Variants in AGAP1 observed in about 807,000 individuals in gnomAD.
The protein encoded by AGAP1 is ArfGAP with GTPase domain, ankyrin repeat and PH domain 1.
In AGAP1, 29 loss-of-function variants were observed where a neutral mutation model predicts 105.3. The ratio of observed to expected loss-of-function variants is 0.28; its 90% CI spans 0.21 to 0.38. The LOEUF (loss-of-function observed/expected upper bound fraction) is 0.38, where lower values mean the gene tolerates loss of function less well. Ranked by LOEUF, AGAP1 falls within the 10% of genes least tolerant of loss-of-function variation. The pLI, the probability that AGAP1 is intolerant of heterozygous loss-of-function variation, is 1.00. For synonymous variants in AGAP1, 509 were observed against 485.9 expected, an observed-to-expected ratio of 1.05 and a Z score of -0.63; for missense variants, 998 against 1,165.1, an observed-to-expected ratio of 0.86 and a Z score of 2.09.
chr2:235,670,524 AG>A (rs930472376), intron 1 of AGAP1: 4 of 489,100 alleles, frequency 8.2e-6, no homozygotes, highest in Non-Finnish European at 7.1e-6. Flanking sequence ...CCCGACGTGG[AG>A]GGGGCCCGGG....
At position 235,953,087 on chromosome 2, in the gene AGAP1, C is replaced by T. The variant is rs563085554; in HGVS notation, c.1484-15375C>T. On this transcript the variant is annotated intron_variant, in intron 12 of 17. Coordinates refer to ENST00000304032, the MANE Select transcript of AGAP1 (RefSeq NM_001037131.3). This position sits in a 1 kb window ranked among gnomAD's most constrained non-coding sequence, Gnocchi z 5.2. ...TCCTCGCTGACTGGGACATGCCACCCACCTCCAATAAAGGCTTGGGAGTCG... is the reference window on the plus strand; with the variant it reads ...TCCTCGCTGACTGGGACATGCCACCTACCTCCAATAAAGGCTTGGGAGTCG... Among the ~76,000 whole-genome samples, 2 of 152,200 alleles carry T rather than the reference C, an allele frequency of 1.3e-5. No individual in the cohort carries two copies. Among genetic ancestry groups the T allele is most frequent in the Non-Finnish European group, 2.9e-5 (2 of 68,040 alleles).
At chr2:235,534,173 C>T (rs1943134294) in intron 1 of AGAP1, among the ~76,000 whole-genome samples, 1 of 152,162 alleles carries the variant, frequency 6.6e-6, no homozygotes, top group Non-Finnish European at 1.5e-5. Flanking sequence ...GCCCTCCTGC[C>T]GACCCCGGTG....
intron 1 of AGAP1, among the ~76,000 whole-genome samples, chr2:235,568,704 G>C (rs1309940665): frequency 2.6e-5 from 4 of 152,226 alleles, no homozygotes; most frequent in Admixed American, 2.0e-4. Flanking sequence ...CATTCTCTTT[G>C]AGGTCAGAAG....
chr2:235,814,157 A>G (rs1958318458), intron 9 of AGAP1, among the ~76,000 whole-genome samples: 1 of 152,172 alleles, frequency 6.6e-6, no homozygotes, highest in Non-Finnish European at 1.5e-5. Context: ...GTTTGGGCGC[A>G]AGAACTGGAA....
At position 235,908,462 on chromosome 2, in the gene AGAP1, CTTCCTAATGACCCTTGA is replaced by C. The variant is rs1305757801; in HGVS notation, c.1156-275_1156-259del. Among the ~76,000 whole-genome samples, 2 of 152,158 alleles carry C rather than the reference CTTCCTAATGACCCTTGA, an allele frequency of 1.3e-5. No homozygotes were observed. The highest frequency in any genetic ancestry group is 1.3e-4 in the Admixed American group (2 of 15,274). ...AAATCAGATTTTGTGTGTAGACTTA[CTTCCTAATGACCCTTGA>C]AGGAGGCACCTGCTGTGTCTCTCCT... On this transcript the variant is annotated intron_variant, in intron 10 of 17. Coordinates refer to ENST00000304032, the MANE Select transcript of AGAP1 (RefSeq NM_001037131.3). The surrounding 1 kb of genome is among the most constrained non-coding windows in gnomAD (Gnocchi z 4.4).
chr2:235,917,026 T>C (rs2051918028), intron 11 of AGAP1, among the ~76,000 whole-genome samples: 1 of 152,204 alleles, frequency 6.6e-6, no homozygotes, highest in African/African-American at 2.4e-5. Flanking sequence ...TTGTGACATT[T>C]TTGTTCTAGG....
chr2:235,496,542 C>T (rs1481838590), intron 1 of AGAP1, among the ~76,000 whole-genome samples: 2 of 152,176 alleles, frequency 1.3e-5, no homozygotes, highest in Non-Finnish European at 2.9e-5. Flanking sequence ...GCTGCATCCA[C>T]AGAAGTCTGA....
At position 236,087,389 on chromosome 2, in the gene AGAP1, GACA is replaced by G. The variant is rs1186992171; in HGVS notation, c.2115-32800_2115-32798del. 6.6e-6 allele frequency among the ~76,000 whole-genome samples: 1 copy of G among 152,204 alleles called. No homozygotes were observed. Among genetic ancestry groups the G allele is most frequent in the African/African-American group, 2.4e-5 (1 of 41,458 alleles). Reference sequence around the variant, plus strand: ...CCCCGACAGCCCTGCTCCAAGGACAGACAACCTCGTCTTGCAGGATCATTTACC... The same window carrying G: ...CCCCGACAGCCCTGCTCCAAGGACAGACCTCGTCTTGCAGGATCATTTACC... On this transcript the variant is annotated intron_variant, in intron 16 of 17. Coordinates refer to ENST00000304032, the MANE Select transcript of AGAP1 (RefSeq NM_001037131.3). This position sits in a 1 kb window ranked among gnomAD's most constrained non-coding sequence, Gnocchi z 5.7.
chr2:235,918,171 A>T (rs1575776397), intron 11 of AGAP1, among the ~76,000 whole-genome samples: 1 of 152,328 alleles, frequency 6.6e-6, no homozygotes, highest in East Asian at 1.9e-4. Context: ...GTCACTCGGG[A>T]GTTTTCCACA....
intron 1 of AGAP1, among the ~76,000 whole-genome samples, chr2:235,680,241 C>T (rs992451024): frequency 2.0e-5 from 3 of 152,124 alleles, no homozygotes; most frequent in African/African-American, 4.8e-5. Flanking sequence ...CTGCTTTGTC[C>T]GTGGAAATGA....
At position 235,953,369 on chromosome 2, in the gene AGAP1, G is replaced by A. The variant is rs146476310; in HGVS notation, c.1484-15093G>A. Among the ~76,000 whole-genome samples the A allele has an allele frequency of 1.9e-3, 296 of 152,214 alleles. No homozygotes were observed. Among genetic ancestry groups the A allele is most frequent in the Admixed American group, 4.4e-3 (68 of 15,288 alleles). Reference sequence around the variant, plus strand: ...AAGGGAAAAGAAAACGTAATTTATCGTTATAAGATGTTAATTTTTTATTCT... The same window carrying A: ...AAGGGAAAAGAAAACGTAATTTATCATTATAAGATGTTAATTTTTTATTCT... On this transcript the variant is annotated intron_variant, in intron 12 of 17. Coordinates refer to ENST00000304032, the MANE Select transcript of AGAP1 (RefSeq NM_001037131.3). This position sits in a 1 kb window ranked among gnomAD's most constrained non-coding sequence, Gnocchi z 5.2.
chr2:235,916,306 T>C (rs990684127), intron 11 of AGAP1, among the ~76,000 whole-genome samples: 1 of 152,224 alleles, frequency 6.6e-6, no homozygotes, highest in Non-Finnish European at 1.5e-5. Flanking sequence ...TAGTCTTAAG[T>C]TGCCATTCTA....
rs547083995 is a variant in AGAP1, at chr2:235,612,759, G to A, written c.164-96420G>A. ...TGAGTGCCACCTGGGCTTGCATGCC[G>A]GACGCATACCTGGCACCTGCTTCCA... On this transcript the variant is annotated intron_variant, in intron 1 of 17. Coordinates refer to ENST00000304032, the MANE Select transcript of AGAP1 (RefSeq NM_001037131.3). The surrounding 1 kb of genome is among the most constrained non-coding windows in gnomAD (Gnocchi z 4.3). Among the ~76,000 whole-genome samples the A allele has an allele frequency of 4.1e-4, 63 of 152,230 alleles. No individual in the cohort carries two copies. The highest frequency in any genetic ancestry group is 3.1e-3 in the South Asian group (15 of 4,820).
At chr2:235,857,118 C>T (rs1197896790) in intron 9 of AGAP1, among the ~76,000 whole-genome samples, 3 of 152,156 alleles carry the variant, frequency 2.0e-5, no homozygotes, top group Non-Finnish European at 4.4e-5. Context: ...CAGTCTGTGG[C>T]CTGTTAGGAA....
rs2056157324 is a variant in AGAP1 at position 236,002,347 on chromosome 2, C to T, written c.1645+33724C>T. ...CAAATATCATCCCCACCTGGACAGT[C>T]TGCAAATGACTTTCCTTCTTCCCTC... is the stretch of plus-strand genomic sequence containing the variant. On this transcript the variant is annotated intron_variant, in intron 13 of 17. Coordinates refer to ENST00000304032, the MANE Select transcript of AGAP1 (RefSeq NM_001037131.3). This position sits in a 1 kb window ranked among gnomAD's most constrained non-coding sequence, Gnocchi z 4.3. Among the ~76,000 whole-genome samples, 1 of 152,226 alleles carries T rather than the reference C, an allele frequency of 6.6e-6. No individual in the cohort carries two copies. Among genetic ancestry groups the T allele is most frequent in the Admixed American group, 6.5e-5 (1 of 15,284 alleles).
At chr2:236,021,686 C>G (rs141803855) in intron 13 of AGAP1, among the ~76,000 whole-genome samples, 44 of 152,082 alleles carry the variant, frequency 2.9e-4, no homozygotes, top group Non-Finnish European at 4.3e-4. Flanking sequence ...CCTGCTGTAT[C>G]GCAAGATGTT....
At chr2:235,508,912 G>A (rs913554259) in intron 1 of AGAP1, among the ~76,000 whole-genome samples, 1 of 152,230 alleles carries the variant, frequency 6.6e-6, no homozygotes. Context: ...TGGCAGAGCC[G>A]GAAGTGGCAG....
rs569959519 is a variant in AGAP1 at position 235,864,520 on chromosome 2, C to T, written c.1051-18825C>T. On this transcript the variant is annotated intron_variant, in intron 9 of 17. Transcript: ENST00000304032. This position sits in a 1 kb window ranked among gnomAD's most constrained non-coding sequence, Gnocchi z 5.0. Reference sequence around the variant, plus strand: ...GGTTGAGCGTTTCCGCTCCACTGCGCGGCCCCGGAGCCCCCAAACGCAGGT... The same window carrying T: ...GGTTGAGCGTTTCCGCTCCACTGCGTGGCCCCGGAGCCCCCAAACGCAGGT... Among the ~76,000 whole-genome samples the T allele has an allele frequency of 1.6e-3, 244 of 152,304 alleles. 1 individual carries two copies. Among genetic ancestry groups the T allele is most frequent in the African/African-American group, 5.7e-3 (237 of 41,572 alleles).
rs773213788 is a variant in AGAP1 at position 236,090,749 on chromosome 2, G to GT, written c.2115-29436dup. ...TTTGTTTTGTTTTTTGTTTTGTTTT[G>GT]TTTTTTTGAGACAGAGTTTGGTTCT... On this transcript the variant is annotated intron_variant, in intron 16 of 17. Coordinates refer to ENST00000304032, the MANE Select transcript of AGAP1 (RefSeq NM_001037131.3). This position sits in a 1 kb window ranked among gnomAD's most constrained non-coding sequence, Gnocchi z 4.3. 9.2e-5 allele frequency among the ~76,000 whole-genome samples: 14 copies of GT among 152,098 alleles called. No individual in the cohort carries two copies. Among genetic ancestry groups the GT allele is most frequent in the South Asian group, 6.2e-4 (3 of 4,820 alleles).
Sources: allele counts gnomAD v4.1 joint callset (sites outside exome capture counted in the v4.1 genomes callset), GRCh38; gene constraint gnomAD v4.1.1; non-coding constraint Gnocchi (gnomAD v3.1); transcripts MANE v1.5; gene names NCBI Gene and HGNC (gene_info 2026-07-23, HGNC 2026-07-21).